NTRK3: variants seen among roughly 807,000 people sequenced by gnomAD.
NTRK3 encodes the protein neurotrophic receptor tyrosine kinase 3, also known as NT-3 growth factor receptor.
Under a neutral mutation model 91.7 loss-of-function variants are expected in NTRK3, and 24 were observed. The observed-to-expected ratio is 0.26, with a 90% CI of 0.19 to 0.37. The LOEUF is 0.37. Ranked by LOEUF, NTRK3 falls within the 10% of genes least tolerant of loss-of-function variation. The probability of loss-of-function intolerance (pLI) is 1.00; values close to 1 mark genes in which losing one functional copy is unlikely to be tolerated. For synonymous variants in NTRK3, 483 were observed against 404.0 expected (o/e 1.20, Z -2.34); for missense variants, 880 against 1,068.9 (o/e 0.82, Z 2.46).
At chr15:88,093,477 T>TG (rs2049241003) in intron 13 of NTRK3, among the ~76,000 whole-genome samples, 1 of 152,210 alleles carries the variant, frequency 6.6e-6, no homozygotes, top group Non-Finnish European at 1.5e-5. Flanking sequence ...TGCTTATGGA[T>TG]GGGTGTCAGT....
intron 17 of NTRK3, among the ~76,000 whole-genome samples, chr15:87,920,550 A>T (rs2067781399): frequency 2.6e-5 from 4 of 151,968 alleles, no homozygotes; most frequent in Admixed American, 2.0e-4. Context: ...AGACTCCTAA[A>T]CTCCAGCAGA....
chr15:87,859,977 T>TAC, exon 19 of NTRK3: 1 of 194,314 alleles, frequency 5.1e-6, no homozygotes, highest in Non-Finnish European at 1.1e-5. Flanking sequence ...CATGTGCATA[T>TAC]ACATACCTAT....
At chr15:88,113,894 T>C (rs1018386443) in intron 13 of NTRK3, among the ~76,000 whole-genome samples, 1 of 152,194 alleles carries the variant, frequency 6.6e-6, no homozygotes. Flanking sequence ...TCTCAAACTT[T>C]AATGGCAGTA....
chr15:88,194,416 C>T (rs2151700038), intron 3 of NTRK3, among the ~76,000 whole-genome samples: 1 of 152,352 alleles, frequency 6.6e-6, no homozygotes, highest in Admixed American at 6.5e-5. Context: ...TTAGCAGATC[C>T]AATACCAGCC....
chr15:88,196,195 G>A (rs1446820116), intron 3 of NTRK3, among the ~76,000 whole-genome samples: 1 of 152,224 alleles, frequency 6.6e-6, no homozygotes, highest in Non-Finnish European at 1.5e-5. Context: ...TTGTTAGAGG[G>A]TAAGTTCAGG....
rs77347566 is a variant in NTRK3, at chr15:88,237,120, C to T, written c.248+18786G>A. ...ATCTAAAATTTACTCTGAAATGCATCAGAAAAATAGGATGGGTTAAGGAGT... is the reference window on the plus strand; with the variant it reads ...ATCTAAAATTTACTCTGAAATGCATTAGAAAAATAGGATGGGTTAAGGAGT... On this transcript the variant is annotated intron_variant, in intron 3 of 18. Transcript: ENST00000394480. The surrounding 1 kb of genome is among the most constrained non-coding windows in gnomAD (Gnocchi z 4.0). Among the ~76,000 whole-genome samples the T allele has an allele frequency of 6.6e-6, 1 of 152,156 alleles. No homozygotes were observed. The highest frequency in any genetic ancestry group is 1.9e-4 in the East Asian group (1 of 5,190).
intron 14 of NTRK3, among the ~76,000 whole-genome samples, chr15:87,973,202 G>T (rs749904799): frequency 6.6e-6 from 1 of 152,074 alleles, no homozygotes; most frequent in Non-Finnish European, 1.5e-5. Context: ...AATGAAAAGG[G>T]GCAAAAACAC....
At position 87,940,777 on chromosome 15, in the gene NTRK3, G is replaced by A. The variant is rs200324887; in HGVS notation, c.1586-24C>T. The A allele has an allele frequency of 9.2e-4, 1,485 of 1,614,044 alleles. 2 individuals carry two copies. Among genetic ancestry groups the A allele is most frequent in the Non-Finnish European group, 1.2e-3 (1,395 of 1,179,996 alleles). ...ATCTGTAGGATGGGGACAAAGAGGA[G>A]GGCAGCAAATCAGTCCTCGTTTGGT... is the stretch of plus-strand genomic sequence containing the variant. On this transcript the variant is annotated intron_variant, in intron 14 of 18. Coordinates refer to ENST00000394480, the Ensembl canonical transcript of NTRK3.
intron 3 of NTRK3, among the ~76,000 whole-genome samples, chr15:88,186,589 C>T (rs908232567): frequency 2.0e-5 from 3 of 152,190 alleles, no homozygotes; most frequent in East Asian, 1.9e-4. Flanking sequence ...AGCTACAGCC[C>T]GCTGCCTGCT....
At chr15:87,940,829 G>A (rs2069763186) in intron 14 of NTRK3, 76 bp from the exon 15 acceptor site, 3 of 1,603,984 alleles carry the variant, frequency 1.9e-6, no homozygotes, top group African/African-American at 1.3e-5. Context: ...AGAGTACAGA[G>A]GTCTAGCGTG....
intron 3 of NTRK3, among the ~76,000 whole-genome samples, chr15:88,228,664 T>C (rs994785023): frequency 2.0e-5 from 3 of 152,214 alleles, no homozygotes; most frequent in East Asian, 1.9e-4. Flanking sequence ...CCTTGTATTA[T>C]AGTTGTCTAT....
At position 87,925,282 on chromosome 15, in the gene NTRK3, G is replaced by A. The variant is rs141395707; in HGVS notation, c.2133+3909C>T. 3.7e-3 allele frequency among the ~76,000 whole-genome samples: 563 copies of A among 152,222 alleles called. 7 individuals are homozygous for A. Among genetic ancestry groups the A allele is most frequent in the African/African-American group, 0.013 (542 of 41,538 alleles). On this transcript the variant is annotated intron_variant, in intron 17 of 18. Coordinates refer to ENST00000394480, the Ensembl canonical transcript of NTRK3. The stretch of plus-strand genomic sequence containing the variant: ...ATTAGGCAGTTCACCTTTGTAAATC[G>A]TCTGTATACCACTTATGTATGAGCC...
At chr15:88,238,321 T>A (rs958476154) in intron 3 of NTRK3, among the ~76,000 whole-genome samples, 1 of 152,228 alleles carries the variant, frequency 6.6e-6, no homozygotes, top group African/African-American at 2.4e-5. Context: ...GGTATAATAA[T>A]CTTTTTATCG....
In NTRK3 at chr15:87,998,911, G is replaced by A. The variant is rs185135311; in HGVS notation, c.1585+33946C>T. Among the ~76,000 whole-genome samples, 551 of 152,286 alleles carry A rather than the reference G, an allele frequency of 3.6e-3. 7 individuals are homozygous for A. In the South Asian group the frequency reaches 0.037, roughly 10 times the overall value. ...TTGCTGGTAGGGAGTGTGGGGGGAG[G>A]AGGATTGCTGGCTGCAAAAGCCAAC... On this transcript the variant is annotated intron_variant, in intron 14 of 18. Coordinates refer to ENST00000394480, the Ensembl canonical transcript of NTRK3.
intron 14 of NTRK3, among the ~76,000 whole-genome samples, chr15:88,011,598 G>A (rs930706531): frequency 6.6e-5 from 10 of 152,134 alleles, no homozygotes; most frequent in Non-Finnish European, 1.0e-4. Flanking sequence ...GGTGAGTTGG[G>A]TCTATCCCTG....
At chr15:88,171,336 C>T (rs142235054) in intron 5 of NTRK3, among the ~76,000 whole-genome samples, 25 of 152,282 alleles carry the variant, frequency 1.6e-4, no homozygotes, top group Admixed American at 8.5e-4. Context: ...GATGAGCTGG[C>T]AAGGGTGCAT....
intron 13 of NTRK3, among the ~76,000 whole-genome samples, chr15:88,062,614 G>C (rs75743139): frequency 6.6e-6 from 1 of 152,168 alleles, no homozygotes; most frequent in Non-Finnish European, 1.5e-5. Context: ...AAAGGACCCC[G>C]ATGATCACCA....
chr15:88,048,945 T>A (rs1450607524), intron 13 of NTRK3, among the ~76,000 whole-genome samples: 2 of 152,166 alleles, frequency 1.3e-5, no homozygotes, highest in African/African-American at 4.8e-5. Flanking sequence ...TTCAAGTTCC[T>A]CCTGTAAGGT....
chr15:87,940,685 C>A, exon 15 of NTRK3: 1 of 1,614,124 alleles, frequency 6.2e-7, no homozygotes, highest in Non-Finnish European at 8.5e-7. Context: ...GCCAGGAAGA[C>A]CTTTCCAAAG....
Sources: gnomAD v4.1 joint callset for allele counts (sites outside exome capture counted in the v4.1 genomes callset) on GRCh38, gnomAD v4.1.1 for gene constraint, Gnocchi (gnomAD v3.1) non-coding constraint, MANE v1.5 for transcripts, NCBI Gene and HGNC (gene_info 2026-07-23, HGNC 2026-07-21) for gene names.